The following GNAQ variants were observed in gnomAD, a reference collection of about 807,000 sequenced individuals.
The protein encoded by GNAQ is guanine nucleotide-binding protein G(q) subunit alpha.
Under a neutral mutation model 43.9 loss-of-function variants are expected in GNAQ, and 8 were observed. That is an observed-to-expected ratio of 0.18 (90% CI 0.11 to 0.33). GNAQ has a LOEUF of 0.33. GNAQ is among the 10% of genes least tolerant of loss of function. The pLI, the probability that GNAQ is intolerant of heterozygous loss-of-function variation, is 1.00. For missense variants in GNAQ, 158 were observed against 450.8 expected (o/e 0.35, Z 5.88); for synonymous variants, 155 against 170.7 (o/e 0.91, Z 0.71).
intron 6 of GNAQ, among the ~76,000 whole-genome samples, chr9:77,722,959 A>G (rs760286369): frequency 3.3e-5 from 5 of 152,222 alleles, no homozygotes; most frequent in Non-Finnish European, 5.9e-5. Context: ...CATTATTAAG[A>G]AAGTGAAAAG....
chr9:77,914,218 T>C (rs951138651), intron 2 of GNAQ, among the ~76,000 whole-genome samples: 9 of 152,088 alleles, frequency 5.9e-5, no homozygotes, highest in African/African-American at 2.2e-4. Context: ...GAAAGGGATT[T>C]TGAAAGTTGA....
At chr9:77,760,486 G>A (rs1488797242) in intron 5 of GNAQ, among the ~76,000 whole-genome samples, 1 of 152,164 alleles carries the variant, frequency 6.6e-6, no homozygotes, top group African/African-American at 2.4e-5. Flanking sequence ...CGGGATTGCA[G>A]ACAGTGTCTG....
intron 3 of GNAQ, among the ~76,000 whole-genome samples, chr9:77,799,791 TC>T (rs987665037): frequency 1.3e-5 from 2 of 152,194 alleles, no homozygotes; most frequent in Non-Finnish European, 2.9e-5. Context: ...TAATTAGTAT[TC>T]CAGGGGCCTT....
intron 1 of GNAQ, among the ~76,000 whole-genome samples, chr9:78,000,197 T>G (rs1443438225): frequency 3.3e-5 from 5 of 152,130 alleles, no homozygotes; most frequent in African/African-American, 9.7e-5. Context: ...AAAATTCAAT[T>G]TTTTTTCCTG....
At chr9:78,023,540 T>A (rs919314492) in intron 1 of GNAQ, among the ~76,000 whole-genome samples, 2 of 151,948 alleles carry the variant, frequency 1.3e-5, no homozygotes, top group African/African-American at 4.8e-5. Context: ...ACAGAAGCAT[T>A]CCTCTTTAGA....
At chr9:77,881,310 C>T (rs908075966) in intron 2 of GNAQ, among the ~76,000 whole-genome samples, 8 of 152,328 alleles carry the variant, frequency 5.3e-5, no homozygotes, top group Middle Eastern at 3.4e-3. Flanking sequence ...CCAAGCACCC[C>T]GAACACTGCC....
At chr9:77,764,655 C>A (rs897980271) in intron 5 of GNAQ, among the ~76,000 whole-genome samples, 8 of 152,066 alleles carry the variant, frequency 5.3e-5, no homozygotes, top group African/African-American at 1.4e-4. Flanking sequence ...CGGGGTTTCA[C>A]CGTGTTAGCC....
intron 2 of GNAQ, among the ~76,000 whole-genome samples, chr9:77,847,563 C>T (rs1827607438): frequency 6.6e-6 from 1 of 152,196 alleles, no homozygotes; most frequent in African/African-American, 2.4e-5. Context: ...AAAAATAGAG[C>T]TCCTTAAGAA....
intron 5 of GNAQ, among the ~76,000 whole-genome samples, chr9:77,746,175 A>C (rs748834297): frequency 6.6e-6 from 1 of 152,190 alleles, no homozygotes; most frequent in Non-Finnish European, 1.5e-5. Context: ...GGATATTTTT[A>C]GACATGAATG....
chr9:77,980,526 T>TA (rs1289881888), intron 1 of GNAQ, among the ~76,000 whole-genome samples: 2 of 152,174 alleles, frequency 1.3e-5, no homozygotes, highest in African/African-American at 4.8e-5. Context: ...TCTGGGATAT[T>TA]AAAAAATAGC....
intron 2 of GNAQ, among the ~76,000 whole-genome samples, chr9:77,889,726 AC>A (rs1387570412): frequency 5.3e-5 from 8 of 152,082 alleles, no homozygotes; most frequent in Non-Finnish European, 1.0e-4. Flanking sequence ...AGTCCTGCCC[AC>A]TGTATTCAAT....
chr9:77,738,868 A>G (rs911158691), intron 5 of GNAQ, among the ~76,000 whole-genome samples: 3 of 152,036 alleles, frequency 2.0e-5, no homozygotes, highest in African/African-American at 7.3e-5. Context: ...TCAACATTCT[A>G]GTCTAAGCAT....
chr9:78,024,138 A>C (rs1258878325), intron 1 of GNAQ, among the ~76,000 whole-genome samples: 1 of 152,232 alleles, frequency 6.6e-6, no homozygotes, highest in Non-Finnish European at 1.5e-5. Flanking sequence ...TTTCCATTGG[A>C]ACAGCTGGAT....
chr9:77,846,877 T>TGAGATAATCCTC (rs1827594220), intron 2 of GNAQ, among the ~76,000 whole-genome samples: 1 of 152,182 alleles, frequency 6.6e-6, no homozygotes, highest in Non-Finnish European at 1.5e-5. Context: ...TATCTCACAT[T>TGAGATAATCCTC]ACAGATGAGG....
intron 2 of GNAQ, among the ~76,000 whole-genome samples, chr9:77,838,872 C>T (rs1244497274): frequency 6.6e-6 from 1 of 151,642 alleles, no homozygotes; most frequent in East Asian, 1.9e-4. Context: ...TTTTTAGTGG[C>T]AATTCTGAAG....
At chr9:77,904,317 CTTTTTTTTTTTTTTT>C (rs554783626) in intron 2 of GNAQ, among the ~76,000 whole-genome samples, 46 of 77,406 alleles carry the variant, frequency 5.9e-4, no homozygotes, top group Non-Finnish European at 7.9e-4. Flanking sequence ...TTCACACCGG[CTTTTTTTTTTTTTTT>C]TTTTTTTTTT....
At chr9:77,983,617 T>C (rs1328423379) in intron 1 of GNAQ, among the ~76,000 whole-genome samples, 1 of 152,222 alleles carries the variant, frequency 6.6e-6, no homozygotes, top group Admixed American at 6.5e-5. Flanking sequence ...TGTTGCCTTT[T>C]GCCTCTTTCT....
At chr9:77,965,972 T>C (rs1021567982) in intron 1 of GNAQ, among the ~76,000 whole-genome samples, 2 of 152,186 alleles carry the variant, frequency 1.3e-5, no homozygotes, top group Non-Finnish European at 2.9e-5. Context: ...GAAAATGTAG[T>C]ACATCCATAC....
intron 2 of GNAQ, among the ~76,000 whole-genome samples, chr9:77,833,523 C>CAA (rs1255330683): frequency 2.0e-5 from 3 of 152,200 alleles, no homozygotes; most frequent in Non-Finnish European, 4.4e-5. Context: ...TTGTCCAGTT[C>CAA]ATATCTTTGC....
Sources: gnomAD v4.1 joint callset for allele counts (sites outside exome capture counted in the v4.1 genomes callset) on GRCh38, gnomAD v4.1.1 for gene constraint, MANE v1.5 for transcripts, NCBI Gene and HGNC (gene_info 2026-07-23, HGNC 2026-07-21) for gene names.